GPATCH2: variants seen among roughly 807,000 people sequenced by gnomAD.
GPATCH2 encodes G patch domain-containing protein 2.
Under a neutral mutation model 58.0 loss-of-function variants are expected in GPATCH2, and 51 were observed. The observed-to-expected ratio is 0.88, with a 90% CI of 0.70 to 1.11. The LOEUF is 1.11. Ranked by LOEUF, GPATCH2 falls within the 50% of genes most tolerant of loss-of-function variation. The pLI is 0.00. For missense variants in GPATCH2, 625 were observed against 652.2 expected, an observed-to-expected ratio of 0.96 and a Z score of 0.45; for synonymous variants, 222 against 218.5, an observed-to-expected ratio of 1.02 and a Z score of -0.14.
At chr1:217,618,350 G>A (rs907763349) in intron 2 of GPATCH2, among the ~76,000 whole-genome samples, 2 of 151,090 alleles carry the variant, frequency 1.3e-5, no homozygotes, top group Non-Finnish European at 2.9e-5. Flanking sequence ...GCTGGGACTC[G>A]GCGCACATCA....
rs1211377389 is a variant in GPATCH2 at position 217,462,970 on chromosome 1, A to T, written c.1278-13633T>A. Among the ~76,000 whole-genome samples the T allele has an allele frequency of 2.0e-5, 3 of 152,160 alleles. No homozygotes were observed. In the East Asian group the frequency reaches 5.8e-4, roughly 29 times the overall value. The stretch of plus-strand genomic sequence containing the variant: ...GATGATAGCAGAACCAATCTCACAG[A>T]GTTGATGTGAAGATTAAAGAAATGT... On this transcript the variant is annotated intron_variant, in intron 8 of 9. Transcript: ENST00000366935.
At chr1:217,630,777 G>C in intron 1 of GPATCH2, 139 bp downstream of exon 1, 1 of 624,452 alleles carries the variant, frequency 1.6e-6, no homozygotes. Flanking sequence ...TGCATCCCAG[G>C]AATGAGTGAG....
At chr1:217,574,763 C>T (rs1666730645) in intron 5 of GPATCH2, among the ~76,000 whole-genome samples, 1 of 152,124 alleles carries the variant, frequency 6.6e-6, no homozygotes, top group South Asian at 2.1e-4. Flanking sequence ...TGTACAAAAT[C>T]ACTCAGTCAA....
chr1:217,619,711 A>T, intron 2 of GPATCH2, 72 bp downstream of exon 2: 1 of 537,630 alleles, frequency 1.9e-6, no homozygotes, highest in Non-Finnish European at 3.2e-6. Flanking sequence ...AATAGAATTA[A>T]TTAAAATATA....
intron 5 of GPATCH2, among the ~76,000 whole-genome samples, chr1:217,564,183 G>A (rs1332688079): frequency 2.0e-5 from 3 of 151,346 alleles, no homozygotes; most frequent in Non-Finnish European, 2.9e-5. Flanking sequence ...CTCGAAGTCC[G>A]ATAAAAATCA....
intron 8 of GPATCH2, among the ~76,000 whole-genome samples, chr1:217,475,542 CAG>C (rs1386853108): frequency 6.6e-6 from 1 of 152,016 alleles, no homozygotes; most frequent in Non-Finnish European, 1.5e-5. Flanking sequence ...TTACTTGGGG[CAG>C]AGTGTTGAGA....
chr1:217,604,599 A>C (rs192862629), intron 5 of GPATCH2, among the ~76,000 whole-genome samples: 185 of 152,338 alleles, frequency 1.2e-3, no homozygotes, highest in African/African-American at 4.3e-3. Context: ...ATGTTAGATA[A>C]TCAGTCATGG....
chr1:217,490,296 T>A (rs1661656767), intron 8 of GPATCH2, among the ~76,000 whole-genome samples: 1 of 152,200 alleles, frequency 6.6e-6, no homozygotes, highest in South Asian at 2.1e-4. Context: ...TCTTTTAACA[T>A]TTGTCTTTGC....
chr1:217,471,113 T>C (rs1660704904), intron 8 of GPATCH2, among the ~76,000 whole-genome samples: 1 of 151,830 alleles, frequency 6.6e-6, no homozygotes, highest in South Asian at 2.1e-4. Context: ...AATATAAATA[T>C]ATAAAATATA....
chr1:217,597,841 G>A (rs1667917041), intron 5 of GPATCH2, among the ~76,000 whole-genome samples: 1 of 152,076 alleles, frequency 6.6e-6, no homozygotes, highest in Non-Finnish European at 1.5e-5. Flanking sequence ...TTGTCACAGG[G>A]AAATCCCTAC....
chr1:217,545,155 G>A lies in GPATCH2; in HGVS notation c.1099-30266C>T, dbSNP rs983980735. Among the ~76,000 whole-genome samples, 3 of 152,278 alleles carry A rather than the reference G, an allele frequency of 2.0e-5. No individual in the cohort carries two copies. The South Asian group carries it at 6.2e-4, about 32-fold the overall frequency. On this transcript the variant is annotated intron_variant, in intron 5 of 9. Transcript: ENST00000366935. ...TGAAAGCCCAACTTCCTGGAAGAAC[G>A]GTCAATATATGCTTGTCCCCACTTT...
At chr1:217,598,772 ATAT>A (rs1667974390) in intron 5 of GPATCH2, among the ~76,000 whole-genome samples, 1 of 152,216 alleles carries the variant, frequency 6.6e-6, no homozygotes, top group Admixed American at 6.5e-5. Context: ...GCCTAAAAAA[ATAT>A]TAAACACATA....
chr1:217,440,473 A>G (rs999084998), intron 9 of GPATCH2, among the ~76,000 whole-genome samples: 3 of 152,204 alleles, frequency 2.0e-5, no homozygotes, highest in African/African-American at 7.2e-5. Context: ...GCCCTCTCTC[A>G]CCACTCCTAT....
chr1:217,473,396 GACAGGTAATAGGTAGTTTTTTT>G (rs1660821328), intron 8 of GPATCH2, among the ~76,000 whole-genome samples: 1 of 151,642 alleles, frequency 6.6e-6, no homozygotes, highest in Non-Finnish European at 1.5e-5. Flanking sequence ...TATTGAAAAT[GACAGGTAATAGGTAGTTTTTTT>G]AAAAAAATAA....
At chr1:217,504,989 T>C (rs1662479367) in intron 6 of GPATCH2, among the ~76,000 whole-genome samples, 1 of 152,164 alleles carries the variant, frequency 6.6e-6, no homozygotes, top group South Asian at 2.1e-4. Context: ...TGGGTATTTA[T>C]TTATGTGTAT....
chr1:217,609,873 G>A (rs1668541788), intron 5 of GPATCH2: 1 of 1,041,528 alleles, frequency 9.6e-7, no homozygotes, highest in African/African-American at 1.7e-5. Context: ...ATACATAAAT[G>A]GATTCAATGT....
intron 5 of GPATCH2, among the ~76,000 whole-genome samples, chr1:217,524,384 G>C (rs995721568): frequency 5.1e-4 from 77 of 150,960 alleles, no homozygotes; most frequent in African/African-American, 1.8e-3. Context: ...AGACTGAGCA[G>C]CCAGGCAGAG....
intron 5 of GPATCH2, among the ~76,000 whole-genome samples, chr1:217,564,730 A>T (rs1297848823): frequency 6.6e-6 from 1 of 152,202 alleles, no homozygotes; most frequent in Non-Finnish European, 1.5e-5. Flanking sequence ...TGCTTCTTTC[A>T]TTAAGAAAAA....
At chr1:217,607,392 G>A (rs1668412609) in intron 5 of GPATCH2, among the ~76,000 whole-genome samples, 1 of 151,958 alleles carries the variant, frequency 6.6e-6, no homozygotes. Context: ...GCTTTTTGTG[G>A]GTGATTATTC....
Sources: allele counts gnomAD v4.1 joint callset (sites outside exome capture counted in the v4.1 genomes callset), GRCh38; gene constraint gnomAD v4.1.1; transcripts MANE v1.5; gene names NCBI Gene and HGNC (gene_info 2026-07-23, HGNC 2026-07-21).